Variants in FSTL1 observed in about 807,000 individuals in gnomAD.
The protein encoded by FSTL1 is follistatin-related protein 1.
Under a neutral mutation model 45.9 loss-of-function variants are expected in FSTL1, and 24 were observed. The ratio of observed to expected loss-of-function variants is 0.52; its 90% CI spans 0.38 to 0.74. The LOEUF is 0.74. FSTL1 is among the 30% of genes least tolerant of loss of function. The pLI is 0.00. For synonymous variants in FSTL1, 120 were observed against 137.6 expected (o/e 0.87, Z 0.89); for missense variants, 340 against 381.8 (o/e 0.89, Z 0.91).
chr3:120,412,042 C>T, intron 3 of FSTL1, 59 bp from the exon 4 acceptor site: 1 of 710,234 alleles, frequency 1.4e-6, no homozygotes. Context: ...CACAGACACA[C>T]ACACACACAT....
In FSTL1 at chr3:120,450,757, G is replaced by C; in HGVS notation, c.1-11C>G. 6.4e-7 allele frequency: 1 copy of C among 1,573,386 alleles called. No individual in the cohort carries two copies. Among genetic ancestry groups the C allele is most frequent in the Non-Finnish European group, 8.6e-7 (1 of 1,166,500 alleles). Reference sequence around the variant, plus strand: ...CCAGCGTTTCCACATCTGCGGAAGAGAGAAGAGAGCGAGTCTGAAGGCGCC... The same window carrying C: ...CCAGCGTTTCCACATCTGCGGAAGACAGAAGAGAGCGAGTCTGAAGGCGCC... On this transcript the variant is annotated splice_polypyrimidine_tract_variant and intron_variant, in intron 1 of 10. Coordinates refer to ENST00000295633, the MANE Select transcript of FSTL1 (RefSeq NM_007085.5).
At chr3:120,420,990 G>A (rs1439157930) in intron 2 of FSTL1, among the ~76,000 whole-genome samples, 2 of 152,226 alleles carry the variant, frequency 1.3e-5, no homozygotes, top group African/African-American at 4.8e-5. Flanking sequence ...GCAAGCAAAT[G>A]GAGAAGCAAG....
chr3:120,428,283 T>C (rs866871803), intron 2 of FSTL1, among the ~76,000 whole-genome samples: 34 of 152,164 alleles, frequency 2.2e-4, no homozygotes, highest in African/African-American at 8.0e-4. Flanking sequence ...TCCCCTTGGA[T>C]TGGGCACATT....
intron 2 of FSTL1, chr3:120,438,267 T>A (rs1937591909): frequency 3.0e-5 from 1 of 32,968 alleles, no homozygotes; most frequent in Non-Finnish European, 2.0e-4. Context: ...TGTCTTCCCT[T>A]TTTCCCCCCA....
chr3:120,442,634 G>A (rs1011187203), intron 2 of FSTL1, among the ~76,000 whole-genome samples: 22 of 151,796 alleles, frequency 1.4e-4, no homozygotes, highest in African/African-American at 4.8e-5. Context: ...ACAAAAATTA[G>A]CCGGGTGTGG....
chr3:120,447,456 C>G (rs1937780999), intron 2 of FSTL1, among the ~76,000 whole-genome samples: 1 of 152,084 alleles, frequency 6.6e-6, no homozygotes, highest in South Asian at 2.1e-4. Context: ...CTACAGAGTG[C>G]ATGGGTGTGT....
At chr3:120,399,783 G>C in intron 10 of FSTL1, 100 bp downstream of exon 10, 1 of 743,816 alleles carries the variant, frequency 1.3e-6, no homozygotes, top group East Asian at 2.7e-5. Flanking sequence ...ATTGAGCAGA[G>C]AGAGCCTCCT....
intron 2 of FSTL1, among the ~76,000 whole-genome samples, chr3:120,449,317 C>A (rs189171096): frequency 1.3e-5 from 2 of 152,300 alleles, no homozygotes; most frequent in African/African-American, 4.8e-5. Flanking sequence ...AGGTAACGTA[C>A]ACAGCCCAGT....
chr3:120,439,916 C>A (rs928600300), intron 2 of FSTL1, among the ~76,000 whole-genome samples: 1 of 152,146 alleles, frequency 6.6e-6, no homozygotes, highest in Non-Finnish European at 1.5e-5. Context: ...GAGTTAGAGA[C>A]CAGCATGGGC....
At chr3:120,403,013 C>G (rs1243873559) in intron 8 of FSTL1, 95 bp from the exon 9 acceptor site, 4 of 844,508 alleles carry the variant, frequency 4.7e-6, no homozygotes, top group Non-Finnish European at 8.3e-6. Flanking sequence ...TTTTCCCAGA[C>G]AAGACCTGCC....
chr3:120,405,251 C>T (rs572065442), intron 6 of FSTL1, among the ~76,000 whole-genome samples: 19 of 152,340 alleles, frequency 1.2e-4, no homozygotes, highest in African/African-American at 3.4e-4. Context: ...ATCTCTGACA[C>T]TGCCCTGTAG....
chr3:120,433,954 T>C (rs1486385290), intron 2 of FSTL1, among the ~76,000 whole-genome samples: 2 of 152,200 alleles, frequency 1.3e-5, no homozygotes, highest in African/African-American at 4.8e-5. Context: ...AAGGTACTGA[T>C]AAGTCTGTAT....
chr3:120,403,986 A>C (rs1384371873), intron 7 of FSTL1, among the ~76,000 whole-genome samples: 1 of 135,818 alleles, frequency 7.4e-6, no homozygotes, highest in African/African-American at 2.8e-5. Context: ...AAAAAAACAA[A>C]AAACAAAACA....
intron 2 of FSTL1, among the ~76,000 whole-genome samples, chr3:120,429,003 C>T (rs142300639): frequency 6.6e-4 from 101 of 152,350 alleles, no homozygotes; most frequent in Non-Finnish European, 8.5e-4. Flanking sequence ...ACAGCAACTG[C>T]TGGCCAGGAA....
chr3:120,432,150 A>G (rs1002450252), intron 2 of FSTL1, among the ~76,000 whole-genome samples: 2 of 152,180 alleles, frequency 1.3e-5, no homozygotes, highest in African/African-American at 4.8e-5. Context: ...TGAGATAGAT[A>G]TATCTTTTCA....
chr3:120,411,810 C>T lies in FSTL1; in HGVS notation c.298+44G>A, dbSNP rs374833559. The T allele has an allele frequency of 7.9e-5, 124 of 1,577,598 alleles. No individual in the cohort carries two copies. In the African/African-American group the frequency reaches 1.5e-3, roughly 19 times the overall value. On this transcript the variant is annotated intron_variant, in intron 4 of 10. Coordinates refer to ENST00000295633, the MANE Select transcript of FSTL1 (RefSeq NM_007085.5). The stretch of plus-strand genomic sequence containing the variant: ...GGCCACACTGCTCTGTTCCTTGGCT[C>T]CCCGTGGCTAAAGCTGCCTTGCAGT...
At position 120,434,984 on chromosome 3, in the gene FSTL1, T is replaced by A. The variant is rs1036296537; in HGVS notation, c.63+15700A>T. Among the ~76,000 whole-genome samples the A allele has an allele frequency of 5.3e-5, 8 of 152,316 alleles. No homozygotes were observed. The South Asian group carries it at 1.7e-3, about 32-fold the overall frequency. Reference sequence around the variant, plus strand: ...CTATAATCCCAGCACATTGGGAGGTTGAGTCAGGGAGCTCACATGAGGTCA... The same window carrying A: ...CTATAATCCCAGCACATTGGGAGGTAGAGTCAGGGAGCTCACATGAGGTCA... On this transcript the variant is annotated intron_variant, in intron 2 of 10. Transcript: ENST00000295633.
intron 3 of FSTL1, among the ~76,000 whole-genome samples, chr3:120,412,828 GCGCGCGCGCGCACACACACACACA>G (rs1937092300): frequency 5.9e-5 from 4 of 67,446 alleles, no homozygotes; most frequent in African/African-American, 1.7e-4. Context: ...GTGCGCGCGC[GCGCGCGCGCGCACACACACACACA>G]CACACACACA....
At chr3:120,409,924 A>C (rs560397893) in intron 5 of FSTL1, 153 of 295,556 alleles carry the variant, frequency 5.2e-4, no homozygotes, top group Non-Finnish European at 5.4e-4. Context: ...TAACTAGAGC[A>C]GAAAAATAAT....
Sources: gnomAD v4.1 joint callset for allele counts (sites outside exome capture counted in the v4.1 genomes callset) on GRCh38, gnomAD v4.1.1 for gene constraint, MANE v1.5 for transcripts, NCBI Gene and HGNC (gene_info 2026-07-23, HGNC 2026-07-21) for gene names.